Variants in DOCK2 observed in about 807,000 individuals in gnomAD.
DOCK2 encodes the protein dedicator of cytokinesis protein 2.
Under a neutral mutation model 248.9 loss-of-function variants are expected in DOCK2, and 87 were observed. That is an observed-to-expected ratio of 0.35 (90% CI 0.29 to 0.42). The LOEUF (loss-of-function observed/expected upper bound fraction) is 0.42, where lower values mean the gene tolerates loss of function less well. Among genes scored for constraint, DOCK2 ranks in the 10% least tolerant of loss-of-function variants. DOCK2 has a pLI of 1.00. For missense variants in DOCK2, 1,747 were observed against 2,300.2 expected, an observed-to-expected ratio of 0.76 and a Z score of 4.92; for synonymous variants, 805 against 821.6, an observed-to-expected ratio of 0.98 and a Z score of 0.35.
At chr5:169,965,152 G>T (rs1777249909) in intron 27 of DOCK2, among the ~76,000 whole-genome samples, 1 of 152,210 alleles carries the variant, frequency 6.6e-6, no homozygotes, top group Admixed American at 6.5e-5. Flanking sequence ...GGGGAGGATT[G>T]CAGAGAAGGC....
chr5:169,901,213 G>A (rs1033954654), intron 27 of DOCK2, among the ~76,000 whole-genome samples: 20 of 152,200 alleles, frequency 1.3e-4, no homozygotes, highest in African/African-American at 4.6e-4. Flanking sequence ...CCAGGCAAAC[G>A]AACATTGTGC....
chr5:170,046,001 G>T, intron 39 of DOCK2, 96 bp downstream of exon 39: 1 of 1,150,502 alleles, frequency 8.7e-7, no homozygotes. Context: ...TGAGGGCCAG[G>T]CGGGGTTAGG....
intron 30 of DOCK2, among the ~76,000 whole-genome samples, chr5:170,001,693 G>T (rs978404397): frequency 2.6e-5 from 4 of 152,188 alleles, no homozygotes; most frequent in Admixed American, 6.5e-5. Flanking sequence ...TCCCAAGCAC[G>T]TGCTGGCTCA....
chr5:169,836,096 A>G (rs1377706595), intron 26 of DOCK2, among the ~76,000 whole-genome samples: 1 of 152,232 alleles, frequency 6.6e-6, no homozygotes, highest in African/African-American at 2.4e-5. Flanking sequence ...TTTTTGAACT[A>G]TATACACTTA....
intron 13 of DOCK2, 87 bp downstream of exon 13, chr5:169,700,226 C>G (rs1760884614): frequency 6.6e-7 from 1 of 1,506,154 alleles, no homozygotes. Flanking sequence ...AGAGTCAACT[C>G]CTTCCTTTTT....
chr5:170,033,899 G>A (rs1756231583), intron 34 of DOCK2, among the ~76,000 whole-genome samples: 1 of 152,066 alleles, frequency 6.6e-6, no homozygotes, highest in Admixed American at 6.5e-5. Context: ...AATTCCATTT[G>A]GTGAATATAC....
chr5:169,724,718 C>G (rs899214319), intron 22 of DOCK2, among the ~76,000 whole-genome samples: 2 of 151,990 alleles, frequency 1.3e-5, no homozygotes, highest in East Asian at 3.9e-4. Context: ...ATGACCAGAC[C>G]CCAGACACCG....
rs551732634 is a variant in DOCK2 at position 169,990,668 on chromosome 5, A to G, written c.2993+4746A>G. On this transcript the variant is annotated intron_variant, in intron 29 of 51. Transcript: ENST00000520908. ...AGAATAGGTATCCCAGCGGCTCAAG[A>G]GGAGGGATGTCTGTGTCTCCCAGCC... is the stretch of plus-strand genomic sequence containing the variant. 3.0e-4 allele frequency among the ~76,000 whole-genome samples: 45 copies of G among 152,288 alleles called. No individual in the cohort carries two copies. The East Asian group carries it at 8.5e-3, about 29-fold the overall frequency.
intron 30 of DOCK2, among the ~76,000 whole-genome samples, chr5:169,999,524 G>A (rs1165140009): frequency 6.6e-6 from 1 of 152,134 alleles, no homozygotes; most frequent in East Asian, 1.9e-4. Context: ...AGGACAGGAG[G>A]CCTCTTTCTG....
intron 26 of DOCK2, among the ~76,000 whole-genome samples, chr5:169,824,280 T>C (rs996942658): frequency 6.6e-6 from 1 of 152,152 alleles, no homozygotes; most frequent in African/African-American, 2.4e-5. Flanking sequence ...TACTTTAAAG[T>C]TCATGTGGAA....
chr5:169,731,059 A>G (rs166392), intron 22 of DOCK2, among the ~76,000 whole-genome samples: 48,719 of 151,958 alleles, frequency 0.32, 11,613 homozygotes, highest in African/African-American at 0.66. Context: ...GTGGAGATGC[A>G]GTCTCACTGT....
intron 27 of DOCK2, among the ~76,000 whole-genome samples, chr5:169,867,349 C>T (rs554525736): frequency 3.9e-5 from 6 of 152,258 alleles, no homozygotes; most frequent in Middle Eastern, 3.4e-3. Flanking sequence ...AACGTGATAA[C>T]AAAAGATTGT....
chr5:170,078,393 A>T (rs767827119), intron 48 of DOCK2, among the ~76,000 whole-genome samples: 1 of 152,170 alleles, frequency 6.6e-6, no homozygotes, highest in Non-Finnish European at 1.5e-5. Context: ...AAAGGATGGA[A>T]ACGTCTTCTG....
chr5:169,690,565 T>C (rs1320474515), intron 9 of DOCK2, among the ~76,000 whole-genome samples: 2 of 152,244 alleles, frequency 1.3e-5, no homozygotes. Context: ...GGCAAAGTTT[T>C]CTTGGCATAT....
At chr5:169,805,121 G>A (rs1191013823) in intron 26 of DOCK2, among the ~76,000 whole-genome samples, 2 of 151,218 alleles carry the variant, frequency 1.3e-5, no homozygotes, top group Non-Finnish European at 2.9e-5. Flanking sequence ...GATCATGCCT[G>A]TGATCCCAGC....
intron 27 of DOCK2, among the ~76,000 whole-genome samples, chr5:169,866,097 G>T (rs191663512): frequency 6.9e-6 from 1 of 145,272 alleles, no homozygotes; most frequent in Non-Finnish European, 1.6e-5. Flanking sequence ...TCAGAGGGGC[G>T]AGGGGGCCTG....
At chr5:169,846,877 A>G (rs1581277522) in intron 27 of DOCK2, among the ~76,000 whole-genome samples, 2 of 151,660 alleles carry the variant, frequency 1.3e-5, no homozygotes, top group East Asian at 3.9e-4. Flanking sequence ...TGAGTCTCCA[A>G]GGTCCATTAC....
At chr5:170,082,615 G>T (rs984705069) in intron 51 of DOCK2, among the ~76,000 whole-genome samples, 181 bp from the exon 52 acceptor site, 6 of 152,168 alleles carry the variant, frequency 3.9e-5, no homozygotes, top group African/African-American at 1.2e-4. Context: ...AGTGAGCCTG[G>T]GCTCACTCTA....
At chr5:169,810,981 TCTCTCTCTCACACACACACACACACA>T (rs1014790595) in intron 26 of DOCK2, among the ~76,000 whole-genome samples, 5 of 142,034 alleles carry the variant, frequency 3.5e-5, no homozygotes, top group East Asian at 2.0e-4. Context: ...ACTCTCTCTC[TCTCTCTCTCACACACACACACACACA>T]CACACACACA....
Sources: allele counts gnomAD v4.1 joint callset (sites outside exome capture counted in the v4.1 genomes callset), GRCh38; gene constraint gnomAD v4.1.1; transcripts MANE v1.5; gene names NCBI Gene and HGNC (gene_info 2026-07-23, HGNC 2026-07-21).